The following ELFN2 variants were observed in gnomAD, a reference collection of about 807,000 sequenced individuals.
ELFN2 encodes protein phosphatase 1 regulatory subunit 29.
A neutral mutation model predicts 45.5 loss-of-function variants in ELFN2; 17 were observed. That is an observed-to-expected ratio of 0.37 (90% confidence interval 0.26 to 0.56). The LOEUF is 0.56. ELFN2 is among the 20% of genes least tolerant of loss of function. ELFN2 has a pLI of 0.77. For missense variants in ELFN2, 922 were observed against 1,183.2 expected, an observed-to-expected ratio of 0.78 and a Z score of 3.24; for synonymous variants, 550 against 551.5, an observed-to-expected ratio of 1.00 and a Z score of 0.04.
intron 2 of ELFN2, among the ~76,000 whole-genome samples, chr22:37,342,245 A>AT (rs376448624): frequency 9.9e-5 from 15 of 152,098 alleles, no homozygotes; most frequent in African/African-American, 3.4e-4. Flanking sequence ...AAAACCTTCC[A>AT]TGGCTCCCTA....
rs142797056 is a variant in ELFN2 at position 37,373,645 on chromosome 22, G to A, written c.1890C>T (p.Ser630=). 4.2e-5 allele frequency: 67 copies of A among 1,591,054 alleles called. No homozygotes were observed. The highest frequency in any genetic ancestry group is 2.9e-4 in the East Asian group (13 of 44,592). The change falls in exon 3 of 3, where the codon AGC becomes AGT. Residue 630 remains serine (S), a synonymous_variant. Coordinates refer to ENST00000402918, the MANE Select transcript of ELFN2 (RefSeq NM_052906.5). ...ADAAVTRKTC[S]VSSSGSIKSA... ...TCTTGATGGAACCACTGGACGACAC[G>A]CTGCAGGTCTTGCGGGTCACGGCCG...
chr22:37,372,388 G>C lies in ELFN2; in HGVS notation c.*684C>G, dbSNP rs1277140236. On this transcript the variant is annotated 3_prime_UTR_variant, in exon 3 of 3. Coordinates refer to ENST00000402918, the MANE Select transcript of ELFN2 (RefSeq NM_052906.5). This position sits in a 1 kb window ranked among gnomAD's most constrained non-coding sequence, Gnocchi z 4.4. ...ATTCCCAAGTCCCTCAGCCCCAAGG[G>C]ACCACAGCTTCGGAAAGGGATGTGG... 1 of 152,428 alleles carries C rather than the reference G, an allele frequency of 6.6e-6. No homozygotes were observed. Among genetic ancestry groups the C allele is most frequent in the Non-Finnish European group, 1.5e-5 (1 of 68,186 alleles). The allele number at this position is 152,428 out of a possible 1,614,324, so 9.4% of individuals were successfully genotyped here.
rs775797161 is a variant in ELFN2 at position 37,373,530 on chromosome 22, G to A, written c.2005C>T (p.Pro669Ser). 4.4e-6 allele frequency: 7 copies of A among 1,577,042 alleles called. No individual in the cohort carries two copies. The East Asian group carries it at 1.2e-4, about 26-fold the overall frequency. ...GDSKYIEKGS[P>S]LNSPLDRLPL... ...AGCCGGTCCAGCGGGCTGTTGAGGG[G>A]GCTGCCCTTCTCGATGTACTTGGAG... Residue 669 changes from proline (P) to serine (S), a missense_variant, in exon 3 of 3, where the codon CCC (proline) becomes TCC (serine). Pro to Ser is a moderately conservative substitution (Grantham distance 74). Coordinates refer to ENST00000402918, the MANE Select transcript of ELFN2 (RefSeq NM_052906.5).
chr22:37,343,479 T>A (rs1930609680), intron 1 of ELFN2, among the ~76,000 whole-genome samples: 1 of 152,018 alleles, frequency 6.6e-6, no homozygotes, highest in African/African-American at 2.4e-5. Flanking sequence ...GTCTGAGGTT[T>A]CTGTCTCTCT....
chr22:37,374,974 G>A lies in ELFN2; in HGVS notation c.561C>T (p.Phe187=), dbSNP rs1931530925. The stretch of plus-strand genomic sequence containing the variant: ...AGCCGAAGAGGTCGCACTCACAGTT[G>A]AAGGGGTTGCCGGCCAGCTCACACA... ...LMVCELAGNP[F]NCECDLFGFL... is the part of the protein sequence containing the mutation. The change falls in exon 3 of 3, where the codon TTC becomes TTT. Residue 187 remains phenylalanine, a synonymous_variant. Coordinates refer to ENST00000402918, the MANE Select transcript of ELFN2 (RefSeq NM_052906.5). 2 of 1,613,310 alleles carry A rather than the reference G, an allele frequency of 1.2e-6. No homozygotes were observed. Among genetic ancestry groups the A allele is most frequent in the Admixed American group, 1.7e-5 (1 of 60,028 alleles).
chr22:37,389,737 T>C (rs913267888), intron 2 of ELFN2, among the ~76,000 whole-genome samples: 8 of 152,166 alleles, frequency 5.3e-5, no homozygotes, highest in Admixed American at 3.9e-4. Flanking sequence ...AGCCCTTGCC[T>C]GTCTTCTCCA....
chr22:37,404,555 G>A (rs565233104), intron 2 of ELFN2, among the ~76,000 whole-genome samples: 52 of 152,204 alleles, frequency 3.4e-4, no homozygotes, highest in African/African-American at 1.2e-3. Flanking sequence ...GAGCTTTAGG[G>A]GTCAGAGGAA....
At chr22:37,390,668 G>A (rs570846291) in intron 2 of ELFN2, among the ~76,000 whole-genome samples, 60 of 152,252 alleles carry the variant, frequency 3.9e-4, no homozygotes, top group Middle Eastern at 3.4e-3. Context: ...ATAAATACAC[G>A]GGCAGGCTGG....
At chr22:37,422,760 A>AT (rs1291003969) in intron 1 of ELFN2, among the ~76,000 whole-genome samples, 2 of 150,652 alleles carry the variant, frequency 1.3e-5, no homozygotes, top group Non-Finnish European at 3.0e-5. Context: ...TGCCCGAATA[A>AT]TTTTTTGTAT....
chr22:37,375,165 G>A lies in ELFN2; in HGVS notation c.370C>T (p.Arg124Ter). ...KLSNLTEGML[R>*]GMSRLQFLFV... is the part of the protein sequence containing the mutation. ...AGGAACTGCAGGCGGCTCATGCCTC[G>A]CAGCATGCCCTCCGTCAGGTTGCTG... Residue 124 changes from arginine to a stop codon, truncating the protein, a stop_gained, in exon 3 of 3, where the codon CGA becomes TGA. Coordinates refer to ENST00000402918, the MANE Select transcript of ELFN2 (RefSeq NM_052906.5). LOFTEE classifies it high-confidence loss of function. 2.5e-6 allele frequency: 4 copies of A among 1,613,946 alleles called. No homozygotes were observed. Among genetic ancestry groups the A allele is most frequent in the East Asian group, 2.2e-5 (1 of 44,872 alleles).
intron 1 of ELFN2, among the ~76,000 whole-genome samples, chr22:37,347,916 G>A (rs1930734360): frequency 6.6e-6 from 1 of 152,188 alleles, no homozygotes; most frequent in African/African-American, 2.4e-5. Flanking sequence ...TCTTCAGCCT[G>A]TACTTGCACA....
At chr22:37,415,962 C>CA (rs201338837) in intron 2 of ELFN2, among the ~76,000 whole-genome samples, 5 of 150,922 alleles carry the variant, frequency 3.3e-5, no homozygotes, top group African/African-American at 4.9e-5. Context: ...GACTCCGTCT[C>CA]AAAAAAAAAT....
Position 37,375,921 on chromosome 22 carries a change from G to T in ELFN2, c.-387C>A. 3.2e-6 allele frequency: 1 copy of T among 309,074 alleles called. No homozygotes were observed. The highest frequency in any genetic ancestry group is 4.4e-5 in the South Asian group (1 of 22,562). The allele number at this position is 309,074 out of a possible 1,614,324, so 19.1% of individuals were successfully genotyped here. ...AGAACTTCAGATGATTCCCACAGGAGGCTGGAGAGTGCCGCACTGAGCCAG... is the reference window on the plus strand; with the variant it reads ...AGAACTTCAGATGATTCCCACAGGATGCTGGAGAGTGCCGCACTGAGCCAG... On this transcript the variant is annotated 5_prime_UTR_variant, in exon 3 of 3. Coordinates refer to ENST00000402918, the MANE Select transcript of ELFN2 (RefSeq NM_052906.5).
intron 2 of ELFN2, among the ~76,000 whole-genome samples, chr22:37,382,398 C>A (rs1931809266): frequency 6.6e-6 from 1 of 152,188 alleles, no homozygotes; most frequent in South Asian, 2.1e-4. Flanking sequence ...GTGCATGCCG[C>A]CACGCCCAGC....
intron 1 of ELFN2, among the ~76,000 whole-genome samples, chr22:37,357,108 A>T (rs1041679556): frequency 6.8e-6 from 1 of 146,606 alleles, no homozygotes; most frequent in African/African-American, 2.5e-5. Flanking sequence ...TCTGTCCCCA[A>T]GGTCTCCTCA....
chr22:37,347,378 C>T (rs1007897462), intron 1 of ELFN2, among the ~76,000 whole-genome samples: 4 of 152,178 alleles, frequency 2.6e-5, no homozygotes, highest in African/African-American at 9.7e-5. Context: ...GACATTACTG[C>T]CTCGCTCAAG....
At chr22:37,393,610 T>C (rs1429028420) in intron 2 of ELFN2, among the ~76,000 whole-genome samples, 1 of 152,184 alleles carries the variant, frequency 6.6e-6, no homozygotes, top group African/African-American at 2.4e-5. Flanking sequence ...AAGTCCCATA[T>C]GGTCCCATCC....
rs117579117 is a variant in ELFN2, at chr22:37,405,519, A to G, written c.-463+12250T>C. Among the ~76,000 whole-genome samples the G allele has an allele frequency of 7.7e-4, 117 of 152,144 alleles. 3 individuals carry two copies. The East Asian group carries it at 0.021, about 28-fold the overall frequency. On this transcript the variant is annotated intron_variant, in intron 2 of 2. Coordinates refer to ENST00000402918, the MANE Select transcript of ELFN2 (RefSeq NM_052906.5). ...GTCACCTGCCTGGGACATAGCAAGC[A>G]CTAAATAATTCATCACTGCTGTCAT...
intron 2 of ELFN2, among the ~76,000 whole-genome samples, chr22:37,378,243 T>A (rs181865475): frequency 8.2e-4 from 125 of 152,312 alleles, no homozygotes; most frequent in African/African-American, 2.9e-3. Context: ...GTCGGGGACA[T>A]CCCAGAGAAT....
Sources: gnomAD v4.1 joint callset for allele counts (sites outside exome capture counted in the v4.1 genomes callset) on GRCh38, gnomAD v4.1.1 for gene constraint, Gnocchi (gnomAD v3.1) non-coding constraint, MANE v1.5 for transcripts, NCBI Gene and HGNC (gene_info 2026-07-23, HGNC 2026-07-21) for gene names.